SLC4A7: variants seen among roughly 807,000 people sequenced by gnomAD.
SLC4A7 encodes the protein sodium bicarbonate cotransporter 3.
SLC4A7 carries 51 observed loss-of-function variants against 137.6 expected under a neutral mutation model. The ratio of observed to expected loss-of-function variants is 0.37; its 90% confidence interval spans 0.30 to 0.47. The LOEUF (loss-of-function observed/expected upper bound fraction) is 0.47. SLC4A7 is among the 20% of genes least tolerant of loss of function. The pLI is 1.00. For missense variants in SLC4A7, 1,247 were observed against 1,525.4 expected (o/e 0.82, Z 3.04); for synonymous variants, 542 against 518.6 (o/e 1.05, Z -0.61).
intron 2 of SLC4A7, among the ~76,000 whole-genome samples, 200 bp from the exon 3 acceptor site, chr3:27,448,997 A>C (rs2057876482): frequency 6.6e-6 from 1 of 152,234 alleles, no homozygotes; most frequent in Non-Finnish European, 1.5e-5. Context: ...AGATGATTAC[A>C]CTAAATCTAC....
At chr3:27,454,906 TTATAAA>T (rs1161024692) in intron 1 of SLC4A7, among the ~76,000 whole-genome samples, 1 of 152,194 alleles carries the variant, frequency 6.6e-6, no homozygotes, top group East Asian at 1.9e-4. Flanking sequence ...CTCACAATAC[TTATAAA>T]TATATTATTT....
At chr3:27,463,463 G>C (rs940535095) in intron 1 of SLC4A7, among the ~76,000 whole-genome samples, 2 of 151,162 alleles carry the variant, frequency 1.3e-5, no homozygotes, top group African/African-American at 4.9e-5. Context: ...AAAATTAGCC[G>C]AGCGTGGTGG....
At chr3:27,408,137 T>C (rs1355916393) in intron 13 of SLC4A7, among the ~76,000 whole-genome samples, 2 of 152,216 alleles carry the variant, frequency 1.3e-5, no homozygotes, top group Non-Finnish European at 2.9e-5. Context: ...ACTTTTGTCT[T>C]TTTCACTTTT....
At chr3:27,389,009 C>T (rs1372954813) in intron 22 of SLC4A7, among the ~76,000 whole-genome samples, 4 of 151,988 alleles carry the variant, frequency 2.6e-5, no homozygotes, top group Admixed American at 6.6e-5. Flanking sequence ...CTCTGGTTAT[C>T]GCTCTTTTCT....
intron 3 of SLC4A7, among the ~76,000 whole-genome samples, chr3:27,447,986 T>C (rs1576530501): frequency 6.6e-6 from 1 of 151,582 alleles, no homozygotes; most frequent in African/African-American, 2.4e-5. Context: ...CTGAGGCAGG[T>C]GGATCACTTG....
chr3:27,389,000 T>C (rs940249002), intron 22 of SLC4A7, among the ~76,000 whole-genome samples: 1 of 152,142 alleles, frequency 6.6e-6, no homozygotes, highest in Non-Finnish European at 1.5e-5. Flanking sequence ...TCTCCATATC[T>C]CTGGTTATCG....
intron 15 of SLC4A7, among the ~76,000 whole-genome samples, chr3:27,401,724 G>A (rs945435380): frequency 2.6e-5 from 4 of 152,238 alleles, no homozygotes; most frequent in Admixed American, 6.5e-5. Context: ...GCCTGCAGAC[G>A]CTCATAGAAT....
intron 11 of SLC4A7, among the ~76,000 whole-genome samples, chr3:27,414,993 C>T (rs2054246870): frequency 6.6e-6 from 1 of 152,170 alleles, no homozygotes; most frequent in African/African-American, 2.4e-5. Flanking sequence ...ATGGTGCCTT[C>T]AACGGTGTAA....
At chr3:27,470,852 G>C (rs2059214639) in intron 1 of SLC4A7, among the ~76,000 whole-genome samples, 1 of 152,122 alleles carries the variant, frequency 6.6e-6, no homozygotes, top group Non-Finnish European at 1.5e-5. Flanking sequence ...TGAGGCAGGA[G>C]AACCCCTTGA....
At chr3:27,411,319 A>G (rs1241131479) in intron 12 of SLC4A7, among the ~76,000 whole-genome samples, 1 of 152,086 alleles carries the variant, frequency 6.6e-6, no homozygotes, top group African/African-American at 2.4e-5. Context: ...ACTCAATATG[A>G]AGAATTATAA....
chr3:27,454,442 G>A (rs1463816706), intron 1 of SLC4A7, among the ~76,000 whole-genome samples: 1 of 152,132 alleles, frequency 6.6e-6, no homozygotes, highest in Admixed American at 6.5e-5. Context: ...CCCCAGCCTG[G>A]GAGACAAAGC....
intron 16 of SLC4A7, among the ~76,000 whole-genome samples, chr3:27,398,691 C>T (rs1489542224): frequency 6.6e-6 from 1 of 152,146 alleles, no homozygotes; most frequent in Non-Finnish European, 1.5e-5. Flanking sequence ...AATGTTTCTT[C>T]TGCATTCTTG....
Position 27,389,994 on chromosome 3 carries a change from A to C in SLC4A7, c.3297T>G (p.Leu1099=). 2 of 1,613,986 alleles carry C rather than the reference A, an allele frequency of 1.2e-6. No homozygotes were observed. Among genetic ancestry groups the C allele is most frequent in the Non-Finnish European group, 8.5e-7 (1 of 1,179,888 alleles). Residue 1099 remains leucine (L), a synonymous_variant, in exon 22 of 26, where the codon CTT becomes CTG. Transcript: ENST00000454389. The stretch of plus-strand genomic sequence containing the variant: ...TCACCCATAAAAGGACCAAACAAGT[A>C]AGCTGAATGACTGTGAAAATATGGA... The part of the protein sequence containing the change: ...WKVHIFTVIQ[L]TCLVLLWVIK...
intron 24 of SLC4A7, among the ~76,000 whole-genome samples, chr3:27,381,015 C>T (rs1222868007): frequency 6.6e-6 from 1 of 152,182 alleles, no homozygotes; most frequent in Non-Finnish European, 1.5e-5. Context: ...TTTATAAGGG[C>T]TTTACAGTTT....
Position 27,422,476 on chromosome 3 carries a change from G to C in SLC4A7, c.1267-697C>G, listed in dbSNP as rs188671457. Among the ~76,000 whole-genome samples, 60 of 152,074 alleles carry C rather than the reference G, an allele frequency of 3.9e-4. No homozygotes were observed. The East Asian group carries it at 5.4e-3, about 14-fold the overall frequency. ...GTAGAGGTGGGGGGCTTGCTATATT[G>C]CCCAGGCTGGTCTTGAACTCCTGGC... On this transcript the variant is annotated intron_variant, in intron 8 of 25. Coordinates refer to ENST00000454389, the MANE Select transcript of SLC4A7 (RefSeq NM_001321103.2).
At chr3:27,477,751 A>T (rs1350901268) in intron 1 of SLC4A7, among the ~76,000 whole-genome samples, 1 of 151,992 alleles carries the variant, frequency 6.6e-6, no homozygotes, top group African/African-American at 2.4e-5. Flanking sequence ...AGTAGCTGGG[A>T]TTACAGGCGC....
At position 27,376,701 on chromosome 3, in the gene SLC4A7, T is replaced by C. The variant is rs1021586656; in HGVS notation, c.*63A>G. On this transcript the variant is annotated 3_prime_UTR_variant, in exon 26 of 26. Transcript: ENST00000454389. ...TGACATACAATATTCTTATATATAG[T>C]GACATGATACGCACACATTACATAT... The C allele has an allele frequency of 4.1e-6, 4 of 985,416 alleles. No homozygotes were observed. The East Asian group carries it at 1.0e-4, about 25-fold the overall frequency. The allele number at this position is 985,416 out of a possible 1,614,324, so 61.0% of individuals were successfully genotyped here.
At chr3:27,459,705 A>G (rs958247599) in intron 1 of SLC4A7, among the ~76,000 whole-genome samples, 8 of 152,128 alleles carry the variant, frequency 5.3e-5, no homozygotes, top group African/African-American at 1.4e-4. Context: ...ATTAATCTGT[A>G]AACAGTAGGA....
At chr3:27,422,550 T>C (rs1418540088) in intron 8 of SLC4A7, among the ~76,000 whole-genome samples, 11 of 152,152 alleles carry the variant, frequency 7.2e-5, no homozygotes, top group Admixed American at 7.2e-4. Context: ...ATTACAGGCA[T>C]GAATTACTAT....
Sources: allele counts gnomAD v4.1 joint callset (sites outside exome capture counted in the v4.1 genomes callset), GRCh38; gene constraint gnomAD v4.1.1; transcripts MANE v1.5; gene names NCBI Gene and HGNC (gene_info 2026-07-23, HGNC 2026-07-21).